The following CALN1 variants were observed in gnomAD, a reference collection of about 807,000 sequenced individuals.
CALN1 encodes calcium-binding protein 8.
In CALN1, 17 loss-of-function variants were observed where a neutral mutation model predicts 30.6. The ratio of observed to expected loss-of-function variants is 0.56; its 90% CI spans 0.38 to 0.83. The LOEUF (loss-of-function observed/expected upper bound fraction) is 0.83. Ranked by LOEUF, CALN1 falls within the 40% of genes least tolerant of loss-of-function variation. CALN1 has a pLI of 0.00. For synonymous variants in CALN1, 156 were observed against 131.4 expected (o/e 1.19, Z -1.28); for missense variants, 291 against 354.9 (o/e 0.82, Z 1.45).
chr7:72,186,016 T>C (rs1246977872), intron 3 of CALN1, among the ~76,000 whole-genome samples: 1 of 152,114 alleles, frequency 6.6e-6, no homozygotes. Context: ...TGCAATGTCA[T>C]TACAAGAGTC....
intron 2 of CALN1, among the ~76,000 whole-genome samples, chr7:72,334,332 C>T (rs1334971173): frequency 6.6e-6 from 1 of 152,214 alleles, no homozygotes; most frequent in Non-Finnish European, 1.5e-5. Context: ...CACACCACAA[C>T]AGAAGGAAGG....
In CALN1 at chr7:72,023,684, C is replaced by T. The variant is rs1800863383; in HGVS notation, c.474G>A (p.Gly158=). The T allele has an allele frequency of 6.2e-7, 1 of 1,613,916 alleles. No homozygotes were observed. The highest frequency in any genetic ancestry group is 2.2e-5 in the East Asian group (1 of 44,868). ...GCCAGAATATGCTGTCTATCGTGTT[C>T]CCAAGAAAACCATCGCGACCTTCTG... is the stretch of plus-strand genomic sequence containing the variant. ...VSSEGRDGFL[G]NTIDSIFWQF... Residue 158 remains glycine (G), a synonymous_variant, in exon 5 of 7, where the codon GGG becomes GGA. Transcript: ENST00000395275.
At chr7:72,323,709 A>T (rs1801067903) in intron 2 of CALN1, among the ~76,000 whole-genome samples, 1 of 151,696 alleles carries the variant, frequency 6.6e-6, no homozygotes, top group South Asian at 2.1e-4. Context: ...GAAAGAAAAA[A>T]AGGGAAAAAA....
intron 2 of CALN1, among the ~76,000 whole-genome samples, chr7:72,317,736 ATTACT>A (rs1190245043): frequency 6.6e-6 from 1 of 152,172 alleles, no homozygotes; most frequent in East Asian, 1.9e-4. Flanking sequence ...TGAGGAGAAC[ATTACT>A]TCCAGTCTTT....
At chr7:71,974,855 G>T (rs1584654286) in intron 5 of CALN1, among the ~76,000 whole-genome samples, 1 of 152,136 alleles carries the variant, frequency 6.6e-6, no homozygotes, top group African/African-American at 2.4e-5. Flanking sequence ...AATTCCGCTC[G>T]GATTAGCAAT....
At chr7:72,373,926 C>T (rs1041164024) in intron 2 of CALN1, among the ~76,000 whole-genome samples, 3 of 152,156 alleles carry the variant, frequency 2.0e-5, no homozygotes, top group African/African-American at 4.8e-5. Context: ...GGATTTCTCA[C>T]GTGGAATCAT....
intron 5 of CALN1, among the ~76,000 whole-genome samples, chr7:71,948,223 A>ACT (rs1311238402): frequency 9.5e-6 from 1 of 105,358 alleles, no homozygotes; most frequent in Non-Finnish European, 2.1e-5. Flanking sequence ...CACCACAAGG[A>ACT]CTCTGTTCTG....
intron 6 of CALN1, among the ~76,000 whole-genome samples, chr7:71,795,693 C>T (rs141042222): frequency 1.2e-4 from 18 of 152,198 alleles, no homozygotes; most frequent in African/African-American, 4.1e-4. Context: ...TAAGGATTTG[C>T]CTGCTCTGAA....
At chr7:72,289,316 C>T (rs141435888) in intron 2 of CALN1, among the ~76,000 whole-genome samples, 38 of 152,320 alleles carry the variant, frequency 2.5e-4, no homozygotes, top group African/African-American at 8.9e-4. Flanking sequence ...CACCCAAAAG[C>T]TATTCACAGT....
chr7:72,049,244 A>G (rs1390144859), intron 4 of CALN1, among the ~76,000 whole-genome samples: 1 of 152,214 alleles, frequency 6.6e-6, no homozygotes, highest in Non-Finnish European at 1.5e-5. Context: ...GGAAAATAAA[A>G]AAGAGGTAAA....
chr7:72,330,013 G>T (rs1015317228), intron 2 of CALN1, among the ~76,000 whole-genome samples: 2 of 151,364 alleles, frequency 1.3e-5, no homozygotes, highest in African/African-American at 4.9e-5. Context: ...AAATTAGGTC[G>T]GGCGCAGTGG....
At position 71,788,478 on chromosome 7, in the gene CALN1, GTTTTTTTTTGTTGTTTT is replaced by G. The variant is rs1010535561; in HGVS notation, c.659-593_659-577del. Among the ~76,000 whole-genome samples the G allele has an allele frequency of 1.4e-5, 2 of 141,788 alleles. 1 individual carries two copies. Among genetic ancestry groups the G allele is most frequent in the East Asian group, 4.9e-4 (2 of 4,052 alleles). 93.0% of individuals were successfully genotyped at this position (141,788 alleles called of 152,430 possible). On this transcript the variant is annotated intron_variant, in intron 6 of 6. Transcript: ENST00000395275. The stretch of plus-strand genomic sequence containing the variant: ...CAAGCAGCATCCCCATTACTAAGAG[GTTTTTTTTTGTTGTTTT>G]TTTTTTTTTTTTTAGAGAAAGTGTC...
chr7:72,290,383 C>G (rs1798396434), intron 2 of CALN1, among the ~76,000 whole-genome samples: 1 of 152,164 alleles, frequency 6.6e-6, no homozygotes, highest in Non-Finnish European at 1.5e-5. Flanking sequence ...CAGATCACAG[C>G]TCTAGGGGAC....
intron 5 of CALN1, among the ~76,000 whole-genome samples, chr7:71,826,566 T>C (rs951510394): frequency 4.6e-5 from 7 of 152,154 alleles, no homozygotes; most frequent in Middle Eastern, 3.2e-3. Context: ...TAGCCTCTTG[T>C]ACCAGCATTC....
At chr7:72,287,547 T>G (rs904853627) in intron 2 of CALN1, among the ~76,000 whole-genome samples, 1 of 145,872 alleles carries the variant, frequency 6.9e-6, no homozygotes, top group Non-Finnish European at 1.5e-5. Flanking sequence ...CCTGGGTTCA[T>G]GCCATTCTCC....
At chr7:72,242,341 C>T (rs1794896556) in intron 3 of CALN1, among the ~76,000 whole-genome samples, 1 of 152,124 alleles carries the variant, frequency 6.6e-6, no homozygotes, top group Non-Finnish European at 1.5e-5. Flanking sequence ...GCTTTCCATC[C>T]TTTGGGGTAT....
chr7:71,805,839 C>G (rs962255230), intron 6 of CALN1, among the ~76,000 whole-genome samples: 1 of 152,054 alleles, frequency 6.6e-6, no homozygotes, highest in South Asian at 2.1e-4. Flanking sequence ...TGAGGAATTG[C>G]CACACCATTT....
chr7:72,476,698 C>T, the CALN1 span, among the ~76,000 whole-genome samples: 1 of 152,198 alleles, frequency 6.6e-6, no homozygotes, highest in Non-Finnish European at 1.5e-5. Context: ...GCTTTTCCAG[C>T]TTCTCTTCAA....
intron 2 of CALN1, among the ~76,000 whole-genome samples, chr7:72,390,811 T>C (rs1200489502): frequency 2.0e-5 from 3 of 152,240 alleles, no homozygotes; most frequent in Non-Finnish European, 2.9e-5. Flanking sequence ...TGTTATTATA[T>C]CAACACATTT....
Sources: allele counts gnomAD v4.1 joint callset (sites outside exome capture counted in the v4.1 genomes callset), GRCh38; gene constraint gnomAD v4.1.1; transcripts MANE v1.5; gene names NCBI Gene and HGNC (gene_info 2026-07-23, HGNC 2026-07-21).